PCDHGA2: variants seen among roughly 807,000 people sequenced by gnomAD.
The protein encoded by PCDHGA2 is protocadherin gamma-A2.
In PCDHGA2, 40 loss-of-function variants were observed where a neutral mutation model predicts 59.2. The ratio of observed to expected loss-of-function variants is 0.68; its 90% confidence interval spans 0.52 to 0.88. PCDHGA2 has a LOEUF of 0.88. PCDHGA2 is among the 40% of genes least tolerant of loss of function. The probability of loss-of-function intolerance (pLI) is 0.00; values close to 1 mark genes in which losing one functional copy is unlikely to be tolerated. For synonymous variants in PCDHGA2, 560 were observed against 526.0 expected (o/e 1.06, Z -0.89); for missense variants, 1,226 against 1,204.0 (o/e 1.02, Z -0.27).
chr5:141,437,978 C>T (rs1014157103), intron 1 of PCDHGA2, among the ~76,000 whole-genome samples: 2 of 152,212 alleles, frequency 1.3e-5, no homozygotes, highest in East Asian at 1.9e-4. Context: ...TCTTGGGATG[C>T]ACCCACCCCA....
chr5:141,355,630 G>A lies in PCDHGA2; in HGVS notation c.2424+14235G>A, dbSNP rs189922397. Reference sequence around the variant, plus strand: ...AGAACAGAGGGAAATAAAAGTTGCTGAAAATGAAAATCCTGGGGCAAGATT... The same window carrying A: ...AGAACAGAGGGAAATAAAAGTTGCTAAAAATGAAAATCCTGGGGCAAGATT... On this transcript the variant is annotated intron_variant, in intron 1 of 3. Coordinates refer to ENST00000394576, the MANE Select transcript of PCDHGA2 (RefSeq NM_018915.4). The A allele has an allele frequency of 1.9e-6, 3 of 1,613,990 alleles. No homozygotes were observed. In the Admixed American group the frequency reaches 5.0e-5, roughly 27 times the overall value.
intron 1 of PCDHGA2, chr5:141,344,484 C>A (rs1322550070): frequency 1.2e-6 from 2 of 1,613,764 alleles, no homozygotes; most frequent in South Asian, 1.1e-5. Context: ...TCCTGGAACC[C>A]GATTTCCAAT....
At chr5:141,443,344 G>T (rs1016738767) in intron 1 of PCDHGA2, among the ~76,000 whole-genome samples, 2 of 151,966 alleles carry the variant, frequency 1.3e-5, no homozygotes, top group African/African-American at 2.4e-5. Context: ...AATTAACAAG[G>T]TTTAGTGGTC....
At chr5:141,344,637 C>A in intron 1 of PCDHGA2, 1 of 1,613,842 alleles carries the variant, frequency 6.2e-7, no homozygotes, top group Non-Finnish European at 8.5e-7. Context: ...GGCCCTGGAC[C>A]GTGAGAAAAA....
intron 1 of PCDHGA2, chr5:141,440,759 C>T (rs1160288117): frequency 1.3e-5 from 2 of 152,158 alleles, no homozygotes; most frequent in Admixed American, 6.6e-5. Flanking sequence ...AAGCAGAGCT[C>T]CCATCCCTTA....
At chr5:141,358,886 A>T (rs6863227) in intron 1 of PCDHGA2, among the ~76,000 whole-genome samples, 1,958 of 152,292 alleles carry the variant, frequency 0.013, 53 homozygotes, top group African/African-American at 0.045. Context: ...TGGCTCTGGG[A>T]TTATTTTATA....
rs539620413 is a variant in PCDHGA2, at chr5:141,488,489, G to GT, written c.2425-6317dup. Among the ~76,000 whole-genome samples the GT allele has an allele frequency of 1.6e-4, 25 of 152,268 alleles. No homozygotes were observed. In the South Asian group the frequency reaches 4.6e-3, roughly 28 times the overall value. On this transcript the variant is annotated intron_variant, in intron 1 of 3. Transcript: ENST00000394576. ...AGAAATGTTCCCCTACCCAAAAACT[G>GT]TAACACTCATTCCACATTTGGGGTC...
chr5:141,399,753 G>T (rs1418820057), intron 1 of PCDHGA2: 8 of 1,613,370 alleles, frequency 5.0e-6, no homozygotes, highest in Non-Finnish European at 6.8e-6. Context: ...GCGCAAACGT[G>T]AGCCTGCGCG....
intron 1 of PCDHGA2, among the ~76,000 whole-genome samples, chr5:141,401,078 T>A (rs2094109579): frequency 6.6e-6 from 1 of 152,226 alleles, no homozygotes; most frequent in South Asian, 2.1e-4. Flanking sequence ...GTGCAGTGGC[T>A]CATGCCTGTA....
intron 2 of PCDHGA2, among the ~76,000 whole-genome samples, chr5:141,495,811 G>A (rs1164360438): frequency 1.3e-5 from 2 of 151,710 alleles, no homozygotes; most frequent in Admixed American, 1.3e-4. Flanking sequence ...GTTTCCTAGC[G>A]CCTTGTGTTC....
intron 1 of PCDHGA2, chr5:141,414,843 G>A: frequency 3.7e-6 from 6 of 1,614,218 alleles, no homozygotes; most frequent in Non-Finnish European, 5.1e-6. Context: ...GCCTGTTTGT[G>A]CTGGACCAGA....
chr5:141,412,952 T>C, intron 1 of PCDHGA2: 1 of 482,218 alleles, frequency 2.1e-6, no homozygotes, highest in Non-Finnish European at 3.6e-6. Context: ...AGCGCCGCTG[T>C]TCACCTACTA....
chr5:141,476,666 G>T lies in PCDHGA2; in HGVS notation c.2425-18141G>T. 9 of 1,614,246 alleles carry T rather than the reference G, an allele frequency of 5.6e-6. No homozygotes were observed. Among genetic ancestry groups the T allele is most frequent in the Non-Finnish European group, 7.6e-6 (9 of 1,180,044 alleles). ...CCGAAATGAATACTTTGCGCTTCGC[G>T]TGCAGACGCGGGAGGACAGCACCAA... On this transcript the variant is annotated intron_variant, in intron 1 of 3. Transcript: ENST00000394576. This position sits in a 1 kb window ranked among gnomAD's most constrained non-coding sequence, Gnocchi z 7.6.
rs756966401 is a variant in PCDHGA2, at chr5:141,393,451, C to T, written c.2424+52056C>T. The T allele has an allele frequency of 5.0e-6, 8 of 1,614,058 alleles. No homozygotes were observed. In the South Asian group the frequency reaches 6.6e-5, roughly 13 times the overall value. On this transcript the variant is annotated intron_variant, in intron 1 of 3. Transcript: ENST00000394576. The stretch of plus-strand genomic sequence containing the variant: ...GAGGCTGCTCACCACCTGGTCCTCA[C>T]GGCCTCGGATGGCGGCAAGCCGCCT...
At chr5:141,347,075 C>T (rs1757861488) in intron 1 of PCDHGA2, among the ~76,000 whole-genome samples, 1 of 150,274 alleles carries the variant, frequency 6.7e-6, no homozygotes, top group Admixed American at 6.6e-5. Context: ...TCCTTCCTCT[C>T]TCTCTTTCCT....
intron 1 of PCDHGA2, chr5:141,361,703 A>T: frequency 6.2e-7 from 1 of 1,613,388 alleles, no homozygotes; most frequent in Non-Finnish European, 8.5e-7. Context: ...TTCGATCATG[A>T]GCAGCTGCGC....
chr5:141,487,499 G>A lies in PCDHGA2; in HGVS notation c.2425-7308G>A, dbSNP rs2099647158. On this transcript the variant is annotated intron_variant, in intron 1 of 3. Transcript: ENST00000394576. This position sits in a 1 kb window ranked among gnomAD's most constrained non-coding sequence, Gnocchi z 5.0. ...CCACTCTCATGGCTGTACACCCTTGGCTTCTGCACCCACTCGGAGTGATAG... is the reference window on the plus strand; with the variant it reads ...CCACTCTCATGGCTGTACACCCTTGACTTCTGCACCCACTCGGAGTGATAG... The A allele has an allele frequency of 3.1e-6, 5 of 1,614,152 alleles. No homozygotes were observed. The highest frequency in any genetic ancestry group is 2.2e-5 in the East Asian group (1 of 44,852).
At chr5:141,366,586 C>T in intron 1 of PCDHGA2, 1 of 1,614,262 alleles carries the variant, frequency 6.2e-7, no homozygotes, top group Non-Finnish European at 8.5e-7. Flanking sequence ...TCCTGCAGAC[C>T]TATTCCCACG....
intron 1 of PCDHGA2, among the ~76,000 whole-genome samples, chr5:141,456,808 C>CA (rs1316636483): frequency 6.6e-5 from 10 of 151,878 alleles, no homozygotes; most frequent in Admixed American, 6.6e-4. Flanking sequence ...ACTAAAAATA[C>CA]AAAAAATTAG....
Sources: allele counts gnomAD v4.1 joint callset (sites outside exome capture counted in the v4.1 genomes callset), GRCh38; gene constraint gnomAD v4.1.1; non-coding constraint Gnocchi (gnomAD v3.1); transcripts MANE v1.5; gene names NCBI Gene and HGNC (gene_info 2026-07-23, HGNC 2026-07-21).